The following KDM3B variants were observed in gnomAD, a reference collection of about 807,000 sequenced individuals.
The protein encoded by KDM3B is lysine-specific demethylase 3B.
In KDM3B, 10 loss-of-function variants were observed where a neutral mutation model predicts 170.0. The observed-to-expected ratio is 0.06, with a 90% CI of 0.04 to 0.10. The LOEUF is 0.10. Among genes scored for constraint, KDM3B ranks in the 10% least tolerant of loss-of-function variants. KDM3B has a pLI of 1.00. For missense variants in KDM3B, 1,394 were observed against 2,195.2 expected (o/e 0.64, Z 7.29); for synonymous variants, 831 against 834.8 (o/e 1.00, Z 0.08).
intron 2 of KDM3B, chr5:138,374,343 C>CT: frequency 2.3e-6 from 1 of 429,138 alleles, no homozygotes; most frequent in Non-Finnish European, 4.7e-6. Flanking sequence ...GCTCACCACC[C>CT]CGCCTCCCAG....
chr5:138,415,445 G>A (rs113946045), intron 12 of KDM3B, among the ~76,000 whole-genome samples: 3,548 of 151,830 alleles, frequency 0.023, 72 homozygotes, highest in Middle Eastern at 0.037. Flanking sequence ...AGACACTTCT[G>A]TATTATTATT....
At chr5:138,416,844 G>A (rs1442700430) in intron 12 of KDM3B, among the ~76,000 whole-genome samples, 2 of 151,920 alleles carry the variant, frequency 1.3e-5, no homozygotes, top group African/African-American at 2.4e-5. Flanking sequence ...TCTTTGGGAC[G>A]GAGTCTCACC....
At chr5:138,359,358 C>A (rs1000014593) in intron 1 of KDM3B, among the ~76,000 whole-genome samples, 2 of 151,394 alleles carry the variant, frequency 1.3e-5, no homozygotes, top group Non-Finnish European at 2.9e-5. Flanking sequence ...GACAGGGTTT[C>A]GCCATGTTGT....
rs1444816593 is a variant in KDM3B, at chr5:138,386,395, A to G, written c.1154A>G (p.Tyr385Cys). ...GGDTPASFTP[Y>C]STATGQTPLA... ...GACACACCTGCATCTTTCACTCCAT[A>G]TTCTACAGCCACAGGTCAGACACCT... is the stretch of plus-strand genomic sequence containing the variant. The change falls in exon 7 of 24, where the codon TAT (tyrosine) becomes TGT (cysteine). Residue 385 changes from tyrosine to cysteine, a missense_variant. Tyr to Cys is a radical substitution (Grantham distance 194). This residue lies in a region of KDM3B where 205 missense variants were observed against 227.6 expected (regional missense o/e 0.90). Transcript: ENST00000314358. 1.9e-6 allele frequency: 3 copies of G among 1,614,086 alleles called. No homozygotes were observed. Among genetic ancestry groups the G allele is most frequent in the Non-Finnish European group, 2.5e-6 (3 of 1,180,044 alleles).
At chr5:138,388,350 G>A (rs747933313) in intron 7 of KDM3B, among the ~76,000 whole-genome samples, 4 of 151,958 alleles carry the variant, frequency 2.6e-5, no homozygotes, top group Non-Finnish European at 4.4e-5. Context: ...ATAGAAATGA[G>A]CCAGGCATAG....
rs969439414 is a variant in KDM3B at position 138,428,022 on chromosome 5, G to A, written c.4689G>A (p.Val1563=). The A allele has an allele frequency of 8.7e-6, 14 of 1,613,054 alleles. No individual in the cohort carries two copies. The Admixed American group carries it at 1.2e-4, about 13-fold the overall frequency. ...RVGTTNLHLD[V]SDAVNVMVYV... is the part of the protein sequence containing the mutation. ...GTACAACAAATCTTCACTTAGATGTGTCTGATGCTGTTAATGTGATGGTGT... is the reference window on the plus strand; with the variant it reads ...GTACAACAAATCTTCACTTAGATGTATCTGATGCTGTTAATGTGATGGTGT... Residue 1563 remains valine, a synonymous_variant, in exon 20 of 24, where the codon GTG becomes GTA. Coordinates refer to ENST00000314358, the MANE Select transcript of KDM3B (RefSeq NM_016604.4).
rs570545146 is a variant in KDM3B, at chr5:138,372,024, G to A, written c.193-650G>A. 2.1e-3 allele frequency among the ~76,000 whole-genome samples: 316 copies of A among 152,128 alleles called. 1 individual carries two copies. The highest frequency in any genetic ancestry group is 7.4e-3 in the African/African-American group (307 of 41,478). On this transcript the variant is annotated intron_variant, in intron 1 of 23. Coordinates refer to ENST00000314358, the MANE Select transcript of KDM3B (RefSeq NM_016604.4). ...GCTACTTGGGAGACTGAGGCAGGAG[G>A]ATCTTTTGAGCCCAGGATGTGGAGG...
chr5:138,377,659 C>A, intron 3 of KDM3B, 61 bp from the exon 4 acceptor site: 2 of 1,180,712 alleles, frequency 1.7e-6, no homozygotes, highest in African/African-American at 1.5e-5. Flanking sequence ...TTTTTCTCAG[C>A]TGATTAGATG....
At position 138,392,347 on chromosome 5, in the gene KDM3B, T is replaced by TA. The variant is rs1762456555; in HGVS notation, c.2629+86_2629+87insA. On this transcript the variant is annotated intron_variant, in intron 8 of 23. Coordinates refer to ENST00000314358, the MANE Select transcript of KDM3B (RefSeq NM_016604.4). ...GTTCTTGTGCAGCAGAGGCACTCAC[T>TA]TTGATGGAGAGTTCTGTAATCTCAT... is the stretch of plus-strand genomic sequence containing the variant. The TA allele has an allele frequency of 2.3e-6, 3 of 1,312,524 alleles. No homozygotes were observed. In the East Asian group the frequency reaches 7.4e-5, roughly 32 times the overall value. 81.3% of individuals were successfully genotyped at this position (1,312,524 alleles called of 1,614,324 possible). A position where few individuals can be genotyped will look rare whatever the true frequency, so the allele number is the denominator to read the frequency against.
chr5:138,433,458 G>C (rs1291292668), intron 23 of KDM3B, among the ~76,000 whole-genome samples: 1 of 143,292 alleles, frequency 7.0e-6, no homozygotes, highest in African/African-American at 2.6e-5. Context: ...CCAAATGAAA[G>C]TGCAATGGTG....
At chr5:138,367,320 A>G (rs567618968) in intron 1 of KDM3B, among the ~76,000 whole-genome samples, 129 of 152,252 alleles carry the variant, frequency 8.5e-4, no homozygotes, top group Non-Finnish European at 1.3e-3. Context: ...ATTTTTGTTA[A>G]GAGTGTGAAT....
At chr5:138,364,876 T>TA (rs1462790655) in intron 1 of KDM3B, among the ~76,000 whole-genome samples, 8 of 152,262 alleles carry the variant, frequency 5.3e-5, no homozygotes, top group Admixed American at 4.6e-4. Context: ...CTGGAGTTTT[T>TA]ATTCAGGTTA....
At chr5:138,399,657 T>C (rs1434694822) in intron 10 of KDM3B, among the ~76,000 whole-genome samples, 1 of 152,216 alleles carries the variant, frequency 6.6e-6, no homozygotes, top group Admixed American at 6.5e-5. Flanking sequence ...ACCATTATAT[T>C]ATAAATAAGT....
At chr5:138,428,940 C>CTT (rs397884825) in intron 20 of KDM3B, among the ~76,000 whole-genome samples, 1,637 of 101,082 alleles carry the variant, frequency 0.016, 34 homozygotes, top group African/African-American at 0.024. Context: ...GGGATAATTT[C>CTT]TTTTTTTTTT....
chr5:138,374,216 A>C, intron 2 of KDM3B: 1 of 382,592 alleles, frequency 2.6e-6, no homozygotes, highest in Non-Finnish European at 5.3e-6. Flanking sequence ...CTGGTCTTGA[A>C]CTCCTAACCT....
At chr5:138,384,061 G>T (rs1762193082) in intron 6 of KDM3B, among the ~76,000 whole-genome samples, 2 of 148,350 alleles carry the variant, frequency 1.3e-5, no homozygotes, top group Non-Finnish European at 3.0e-5. Flanking sequence ...TCGAGACCAT[G>T]GTGAAGCCCC....
chr5:138,390,622 C>G (rs1023363142), intron 7 of KDM3B, among the ~76,000 whole-genome samples: 1 of 152,144 alleles, frequency 6.6e-6, no homozygotes, highest in African/African-American at 2.4e-5. Flanking sequence ...ATTAATATTA[C>G]AGGGGTCACT....
chr5:138,406,555 G>T (rs1331529865), intron 11 of KDM3B, among the ~76,000 whole-genome samples: 1 of 152,160 alleles, frequency 6.6e-6, no homozygotes, highest in Non-Finnish European at 1.5e-5. Context: ...GCTGAGGCAG[G>T]AGAATCACTT....
intron 1 of KDM3B, among the ~76,000 whole-genome samples, chr5:138,372,286 C>T (rs1211044262): frequency 6.6e-6 from 1 of 152,150 alleles, no homozygotes; most frequent in Non-Finnish European, 1.5e-5. Context: ...GGATTATGAG[C>T]TTTTTGAGAC....
Sources: allele counts gnomAD v4.1 joint callset (sites outside exome capture counted in the v4.1 genomes callset), GRCh38; gene constraint gnomAD v4.1.1; regional missense constraint gnomAD v4.1.1; transcripts MANE v1.5; gene names NCBI Gene and HGNC (gene_info 2026-07-23, HGNC 2026-07-21).